Variants in HDGFL3 observed in about 807,000 individuals in gnomAD.
HDGFL3 encodes HDGF like 3, also known as hepatoma-derived growth factor-related protein 3.
HDGFL3 carries 6 observed loss-of-function variants against 27.6 expected under a neutral mutation model. That is an observed-to-expected ratio of 0.22 (90% CI 0.12 to 0.43). HDGFL3 has a LOEUF of 0.43. HDGFL3 is among the 20% of genes least tolerant of loss of function. HDGFL3 has a pLI of 1.00. For missense variants in HDGFL3, 207 were observed against 250.1 expected (o/e 0.83, Z 1.16); for synonymous variants, 88 against 88.9 (o/e 0.99, Z 0.05).
intron 1 of HDGFL3, among the ~76,000 whole-genome samples, chr15:83,201,203 C>A (rs1373696120): frequency 6.7e-6 from 1 of 150,102 alleles, no homozygotes; most frequent in Non-Finnish European, 1.5e-5. Context: ...TTTTAAAGTT[C>A]TAATGAGTTG....
At chr15:83,160,758 A>C (rs1040090596) in intron 2 of HDGFL3, among the ~76,000 whole-genome samples, 1 of 152,122 alleles carries the variant, frequency 6.6e-6, no homozygotes, top group Non-Finnish European at 1.5e-5. Flanking sequence ...TTTACTATTG[A>C]TCTCTGTAAA....
intron 1 of HDGFL3, among the ~76,000 whole-genome samples, chr15:83,191,329 A>G (rs2037508503): frequency 6.6e-6 from 1 of 152,350 alleles, no homozygotes; most frequent in African/African-American, 2.4e-5. Flanking sequence ...ATCAGCAAGG[A>G]CTAAAAGATA....
At chr15:83,124,344 T>C (rs536845485), downstream of HDGFL3, among the ~76,000 whole-genome samples, 22 of 152,328 alleles carry the variant, frequency 1.4e-4, no homozygotes, top group South Asian at 2.1e-3. Context: ...TGGAAAAGTA[T>C]ACCAACGGTT....
chr15:83,122,739 T>G lies in HDGFL3; in HGVS notation c.394-6998A>C, dbSNP rs2035385833. On this transcript the variant is annotated intron_variant, in intron 3 of 3. Coordinates refer to the HDGFL3 transcript ENST00000568294. Reference sequence around the variant, plus strand: ...ATATGCTTTTGGTAACTTCTTTCTCTTTCTCTCTTTTAAATAGGGAAGTAT... The same window carrying G: ...ATATGCTTTTGGTAACTTCTTTCTCGTTCTCTCTTTTAAATAGGGAAGTAT... 2.5e-6 allele frequency: 4 copies of G among 1,610,670 alleles called. No individual in the cohort carries two copies. The South Asian group carries it at 4.4e-5, about 18-fold the overall frequency.
chr15:83,169,401 C>T (rs1204345999), intron 1 of HDGFL3, among the ~76,000 whole-genome samples: 2 of 100,204 alleles, frequency 2.0e-5, no homozygotes, highest in East Asian at 3.3e-4. Context: ...GGCGACAGAG[C>T]GAGACTCCGT....
In HDGFL3 at chr15:83,136,403, T is replaced by C; in HGVS notation, c.*2867A>G. The C allele has an allele frequency of 7.7e-7, 1 of 1,290,472 alleles. No homozygotes were observed. The highest frequency in any genetic ancestry group is 1.0e-6 in the Non-Finnish European group (1 of 954,788). The allele number at this position is 1,290,472 out of a possible 1,614,324, so 79.9% of individuals were successfully genotyped here. On this transcript the variant is annotated 3_prime_UTR_variant, in exon 6 of 6. Transcript: ENST00000299633. ...TGAGGGCACAGAAACGTAGCCTGAA[T>C]GAACCATTCAGAACTCATCATGCAT...
intron 5 of HDGFL3, among the ~76,000 whole-genome samples, chr15:83,148,426 C>G (rs918627317): frequency 1.3e-5 from 2 of 151,866 alleles, no homozygotes; most frequent in Admixed American, 6.6e-5. Context: ...TCGAGACCAC[C>G]CTGGCTAACA....
At chr15:83,147,960 G>T (rs1230935426) in intron 5 of HDGFL3, among the ~76,000 whole-genome samples, 1 of 152,100 alleles carries the variant, frequency 6.6e-6, no homozygotes, top group Admixed American at 6.6e-5. Flanking sequence ...ATAAGAAAAT[G>T]GGCAAAACCC....
chr15:83,151,393 C>A lies in HDGFL3; in HGVS notation c.460-32G>T. The A allele has an allele frequency of 1.9e-6, 3 of 1,566,354 alleles. No individual in the cohort carries two copies. In the South Asian group the frequency reaches 3.6e-5, roughly 19 times the overall value. ...GTTTAGACAAGTTAAATATTATAGT[C>A]AAAAGCAGAAATCCAAATGTACAAG... On this transcript the variant is annotated intron_variant, in intron 4 of 5. Coordinates refer to ENST00000299633, the MANE Select transcript of HDGFL3 (RefSeq NM_016073.4).
At chr15:83,140,393 C>T (rs1343219770) in intron 5 of HDGFL3, among the ~76,000 whole-genome samples, 2 of 151,908 alleles carry the variant, frequency 1.3e-5, no homozygotes, top group African/African-American at 4.8e-5. Context: ...TAAGATTATA[C>T]TCACAGATAC....
intron 1 of HDGFL3, chr15:83,184,744 A>C (rs898741151): frequency 6.6e-6 from 1 of 152,238 alleles, no homozygotes; most frequent in Non-Finnish European, 1.5e-5. Context: ...TCTTCAAAAA[A>C]AGAGCAGGAA....
At chr15:83,173,194 G>A (rs944979905) in intron 1 of HDGFL3, among the ~76,000 whole-genome samples, 5 of 152,152 alleles carry the variant, frequency 3.3e-5, no homozygotes, top group African/African-American at 1.2e-4. Context: ...ACTTTATAAT[G>A]TTGCTAAATT....
At chr15:83,119,407 C>T (rs999702949) in intron 3 of HDGFL3, among the ~76,000 whole-genome samples, 2 of 152,222 alleles carry the variant, frequency 1.3e-5, no homozygotes, top group African/African-American at 4.8e-5. Context: ...GTTTTGGCAG[C>T]TCCAGCGTAA....
intron 1 of HDGFL3, among the ~76,000 whole-genome samples, chr15:83,204,484 A>G (rs1004228913): frequency 6.6e-5 from 10 of 152,184 alleles, no homozygotes; most frequent in South Asian, 2.1e-4. Context: ...GGATATATGA[A>G]CAGATGCATG....
In HDGFL3 at chr15:83,129,945, G is replaced by A. The variant is rs2036100647; in HGVS notation, c.*9325C>T. On this transcript the variant is annotated 3_prime_UTR_variant, in exon 6 of 6. Coordinates refer to ENST00000299633, the MANE Select transcript of HDGFL3 (RefSeq NM_016073.4). Reference sequence around the variant, plus strand: ...CCGCATACCCACTTCACTCTTGCCAGCCCTTTCTTTAGAGGATTAGACTGT... The same window carrying A: ...CCGCATACCCACTTCACTCTTGCCAACCCTTTCTTTAGAGGATTAGACTGT... 1 of 152,352 alleles carries A rather than the reference G, an allele frequency of 6.6e-6. No homozygotes were observed. Among genetic ancestry groups the A allele is most frequent in the East Asian group, 1.9e-4 (1 of 5,180 alleles). 9.4% of individuals were successfully genotyped at this position (152,352 alleles called of 1,614,324 possible). A position where few individuals can be genotyped will look rare whatever the true frequency, so the allele number is the denominator to read the frequency against.
downstream of HDGFL3, chr15:83,124,665 A>G: frequency 3.1e-6 from 5 of 1,612,928 alleles, 2 homozygotes; most frequent in East Asian, 1.1e-4. Context: ...TACAAACTCT[A>G]TTTTAGGTTA....
rs1179635771 is a variant in HDGFL3, at chr15:83,137,495, G to A, written c.*1775C>T. 6.6e-6 allele frequency: 1 copy of A among 151,952 alleles called. No homozygotes were observed. Among genetic ancestry groups the A allele is most frequent in the Non-Finnish European group, 1.5e-5 (1 of 67,960 alleles). 9.4% of individuals were successfully genotyped at this position (151,952 alleles called of 1,614,324 possible). A position where few individuals can be genotyped will look rare whatever the true frequency, so the allele number is the denominator to read the frequency against. On this transcript the variant is annotated 3_prime_UTR_variant, in exon 6 of 6. Coordinates refer to ENST00000299633, the MANE Select transcript of HDGFL3 (RefSeq NM_016073.4). ...TATGTTTCAGTGTGAGCAATGAAGAGGTCTTTTGATGAATTAAATTTCATT... is the reference window on the plus strand; with the variant it reads ...TATGTTTCAGTGTGAGCAATGAAGAAGTCTTTTGATGAATTAAATTTCATT...
intron 4 of HDGFL3, among the ~76,000 whole-genome samples, chr15:83,154,124 G>C (rs928732633): frequency 6.6e-6 from 1 of 151,434 alleles, no homozygotes; most frequent in African/African-American, 2.4e-5. Context: ...AGACCAGCCT[G>C]GGCAACATGA....
intron 1 of HDGFL3, among the ~76,000 whole-genome samples, chr15:83,199,090 A>C (rs1318807832): frequency 2.0e-5 from 3 of 152,166 alleles, no homozygotes; most frequent in Non-Finnish European, 2.9e-5. Context: ...TTTTTTTCAA[A>C]ATTATTGACT....
Sources: allele counts gnomAD v4.1 joint callset (sites outside exome capture counted in the v4.1 genomes callset), GRCh38; gene constraint gnomAD v4.1.1; transcripts MANE v1.5; gene names NCBI Gene and HGNC (gene_info 2026-07-23, HGNC 2026-07-21).